TRAPPC8: variants seen among roughly 807,000 people sequenced by gnomAD.
TRAPPC8 encodes trafficking protein particle complex subunit 8.
A neutral mutation model predicts 174.3 loss-of-function variants in TRAPPC8; 54 were observed. The observed-to-expected ratio is 0.31, with a 90% CI of 0.25 to 0.39. The LOEUF is 0.39. Among genes scored for constraint, TRAPPC8 ranks in the 10% least tolerant of loss-of-function variants. The pLI is 1.00. For synonymous variants in TRAPPC8, 630 were observed against 579.9 expected (o/e 1.09, Z -1.24); for missense variants, 1,531 against 1,699.1 (o/e 0.90, Z 1.74).
intron 26 of TRAPPC8, among the ~76,000 whole-genome samples, 173 bp downstream of exon 26, chr18:31,846,543 A>G (rs1159499396): frequency 6.6e-6 from 1 of 152,028 alleles, no homozygotes; most frequent in Admixed American, 6.6e-5. Context: ...GCCATTGCAA[A>G]CCAGCCTGGG....
intron 25 of TRAPPC8, among the ~76,000 whole-genome samples, chr18:31,847,518 TACTC>T (rs1226944392): frequency 6.6e-6 from 1 of 152,188 alleles, no homozygotes; most frequent in Admixed American, 6.5e-5. Context: ...AACATAAAAT[TACTC>T]AGTCAAAATG....
intron 2 of TRAPPC8, among the ~76,000 whole-genome samples, chr18:31,922,707 G>A (rs1490803994): frequency 6.6e-6 from 1 of 151,818 alleles, no homozygotes; most frequent in Non-Finnish European, 1.5e-5. Context: ...AATTGAAATA[G>A]CAACCATGTT....
chr18:31,926,370 A>G (rs1390551449), intron 2 of TRAPPC8: 3 of 151,296 alleles, frequency 2.0e-5, no homozygotes, highest in Non-Finnish European at 4.4e-5. Flanking sequence ...CCATTGATAA[A>G]TGGGTTATTT....
At chr18:31,867,599 C>CGG in intron 16 of TRAPPC8, 123 bp from the exon 17 acceptor site, 11 of 665,472 alleles carry the variant, frequency 1.7e-5, no homozygotes, top group South Asian at 1.1e-4. Context: ...TTGGTTTTTA[C>CGG]CACATGCTGA....
At chr18:31,888,825 G>A (rs2035835015) in intron 12 of TRAPPC8, among the ~76,000 whole-genome samples, 1 of 152,212 alleles carries the variant, frequency 6.6e-6, no homozygotes, top group African/African-American at 2.4e-5. Flanking sequence ...TTAATACCTA[G>A]GTGATGTGTT....
chr18:31,931,357 T>C lies in TRAPPC8; in HGVS notation c.324A>G (p.Thr108=). Residue 108 remains threonine (T), a synonymous_variant, in exon 2 of 29, where the codon ACA becomes ACG. Coordinates refer to ENST00000283351, the MANE Select transcript of TRAPPC8 (RefSeq NM_014939.5). ...TGATGTTAAGGTCATAATCTCCTGC[T>C]GTAATCACATTAGCTACTAATCCTT... is the stretch of plus-strand genomic sequence containing the variant. ...PAEGLVANVI[T]AGDYDLNISA... is the part of the protein sequence containing the mutation. 6.2e-7 allele frequency: 1 copy of C among 1,602,554 alleles called. No homozygotes were observed. The highest frequency in any genetic ancestry group is 8.5e-7 in the Non-Finnish European group (1 of 1,174,862).
intron 12 of TRAPPC8, among the ~76,000 whole-genome samples, chr18:31,875,299 C>T (rs907818877): frequency 2.0e-5 from 3 of 149,900 alleles, no homozygotes; most frequent in Non-Finnish European, 4.4e-5. Context: ...CACAGTTTTC[C>T]ACAGTACAAA....
intron 10 of TRAPPC8, among the ~76,000 whole-genome samples, chr18:31,898,608 A>C (rs2036280162): frequency 6.6e-6 from 1 of 152,180 alleles, no homozygotes; most frequent in Admixed American, 6.5e-5. Context: ...ATATTTAGGT[A>C]TTTTCCCCCT....
Position 31,942,821 on chromosome 18 carries a change from C to T in TRAPPC8, c.-57G>A, listed in dbSNP as rs2038409858. 4.7e-6 allele frequency: 6 copies of T among 1,286,116 alleles called. No individual in the cohort carries two copies. Among genetic ancestry groups the T allele is most frequent in the Non-Finnish European group, 4.9e-6 (5 of 1,012,666 alleles). 79.7% of individuals were successfully genotyped at this position (1,286,116 alleles called of 1,614,324 possible). A position where few individuals can be genotyped will look rare whatever the true frequency, so the allele number is the denominator to read the frequency against. Reference sequence around the variant, plus strand: ...CTCCGGCCCACCCTGCGAGGTTATCCTGCGGCTGCAGCAGCTACCGCCGCC... The same window carrying T: ...CTCCGGCCCACCCTGCGAGGTTATCTTGCGGCTGCAGCAGCTACCGCCGCC... On this transcript the variant is annotated 5_prime_UTR_variant, in exon 1 of 29. Coordinates refer to ENST00000283351, the MANE Select transcript of TRAPPC8 (RefSeq NM_014939.5).
chr18:31,888,788 A>G (rs1204632538), intron 12 of TRAPPC8, among the ~76,000 whole-genome samples: 1 of 152,230 alleles, frequency 6.6e-6, no homozygotes, highest in African/African-American at 2.4e-5. Context: ...GGAAAGCATC[A>G]GGAAAAAGAG....
chr18:31,914,846 C>A (rs931767638), intron 4 of TRAPPC8, among the ~76,000 whole-genome samples: 1 of 152,084 alleles, frequency 6.6e-6, no homozygotes, highest in Non-Finnish European at 1.5e-5. Context: ...ATTCACATAT[C>A]CCAAATACAA....
At chr18:31,871,212 AT>A in intron 14 of TRAPPC8, 92 bp from the exon 15 acceptor site, 3 of 617,036 alleles carry the variant, frequency 4.9e-6, no homozygotes, top group Non-Finnish European at 5.1e-6. Flanking sequence ...ATAAAAAAAT[AT>A]ATATATATAC....
Position 31,890,032 on chromosome 18 carries a change from G to C in TRAPPC8, c.1728+703C>G, listed in dbSNP as rs565540455. 5.9e-5 allele frequency among the ~76,000 whole-genome samples: 9 copies of C among 152,226 alleles called. No individual in the cohort carries two copies. The East Asian group carries it at 1.2e-3, about 20-fold the overall frequency. ...CTCATATGCCCCTAATAGATCAAAA[G>C]CTCCTTAAGACGTAAGACCATGTTG... is the stretch of plus-strand genomic sequence containing the variant. On this transcript the variant is annotated intron_variant, in intron 12 of 28. Transcript: ENST00000283351.
intron 12 of TRAPPC8, among the ~76,000 whole-genome samples, chr18:31,886,906 G>C (rs896354363): frequency 6.6e-6 from 1 of 152,062 alleles, no homozygotes; most frequent in Admixed American, 6.6e-5. Context: ...ACTTGAACCC[G>C]GGAGGTGGAG....
rs570043602 is a variant in TRAPPC8 at position 31,867,902 on chromosome 18, C to T, written c.2389-426G>A. On this transcript the variant is annotated intron_variant, in intron 16 of 28. Transcript: ENST00000283351. ...TCAAAACGGGAGCATATCAAAGATACCGCCACCAAGATAATAAAACCCTGA... is the reference window on the plus strand; with the variant it reads ...TCAAAACGGGAGCATATCAAAGATATCGCCACCAAGATAATAAAACCCTGA... Among the ~76,000 whole-genome samples, 31 of 152,134 alleles carry T rather than the reference C, an allele frequency of 2.0e-4. 1 individual carries two copies. The highest frequency in any genetic ancestry group is 1.8e-3 in the Admixed American group (27 of 15,260).
chr18:31,883,083 C>T (rs189866156), intron 12 of TRAPPC8, among the ~76,000 whole-genome samples: 44 of 151,008 alleles, frequency 2.9e-4, no homozygotes, highest in African/African-American at 7.0e-4. Flanking sequence ...ATTAGCAAGG[C>T]GTGGTAGCGT....
At chr18:31,840,086 G>A (rs2033005393) in intron 26 of TRAPPC8, among the ~76,000 whole-genome samples, 1 of 152,120 alleles carries the variant, frequency 6.6e-6, no homozygotes, top group African/African-American at 2.4e-5. Context: ...AGGTCAGGCA[G>A]GGTGGCTCAC....
At chr18:31,898,082 T>C (rs2036257271) in intron 10 of TRAPPC8, among the ~76,000 whole-genome samples, 191 bp from the exon 11 acceptor site, 2 of 152,200 alleles carry the variant, frequency 1.3e-5, no homozygotes, top group South Asian at 4.1e-4. Context: ...CATTTGCCTA[T>C]TAACCCATAC....
chr18:31,848,645 C>T (rs1431343968), intron 25 of TRAPPC8, among the ~76,000 whole-genome samples: 1 of 152,140 alleles, frequency 6.6e-6, no homozygotes, highest in Admixed American at 6.5e-5. Flanking sequence ...AGAAACACTT[C>T]ATAAAAACTT....
Sources: allele counts gnomAD v4.1 joint callset (sites outside exome capture counted in the v4.1 genomes callset), GRCh38; gene constraint gnomAD v4.1.1; transcripts MANE v1.5; gene names NCBI Gene and HGNC (gene_info 2026-07-23, HGNC 2026-07-21).